The following WBP1L variants were observed in gnomAD, a reference collection of about 807,000 sequenced individuals.
WBP1L encodes the protein WW domain binding protein 1-like.
Under a neutral mutation model 33.7 loss-of-function variants are expected in WBP1L, and 17 were observed. The ratio of observed to expected loss-of-function variants is 0.50; its 90% CI spans 0.34 to 0.76. The LOEUF (loss-of-function observed/expected upper bound fraction) is 0.76. Among genes scored for constraint, WBP1L ranks in the 30% least tolerant of loss-of-function variants. The probability of loss-of-function intolerance (pLI) is 0.01; values close to 1 mark genes in which losing one functional copy is unlikely to be tolerated. For synonymous variants in WBP1L, 173 were observed against 190.8 expected, an observed-to-expected ratio of 0.91 and a Z score of 0.77; for missense variants, 389 against 469.4, an observed-to-expected ratio of 0.83 and a Z score of 1.58.
intron 1 of WBP1L, among the ~76,000 whole-genome samples, chr10:102,790,784 T>TA (rs1442942429): frequency 6.6e-6 from 1 of 152,140 alleles, no homozygotes; most frequent in African/African-American, 2.4e-5. Flanking sequence ...GTCCTGGAAT[T>TA]ACAAGCGTGA....
intron 1 of WBP1L, among the ~76,000 whole-genome samples, chr10:102,768,360 A>C (rs1156583052): frequency 5.2e-5 from 6 of 115,920 alleles, no homozygotes; most frequent in Admixed American, 9.8e-5. Flanking sequence ...TGCGCCTGGC[A>C]TTAGTTTTTT....
chr10:102,808,766 G>T (rs1470679887), intron 2 of WBP1L, among the ~76,000 whole-genome samples: 1 of 152,218 alleles, frequency 6.6e-6, no homozygotes, highest in Non-Finnish European at 1.5e-5. Context: ...AAAAGCACCT[G>T]ATTTTTTTGA....
chr10:102,764,773 TA>T (rs2134034157), intron 1 of WBP1L, among the ~76,000 whole-genome samples: 1 of 152,278 alleles, frequency 6.6e-6, no homozygotes, highest in South Asian at 2.1e-4. Flanking sequence ...AGAGAGGACA[TA>T]ATATTTGATT....
chr10:102,798,019 C>A lies in WBP1L; in HGVS notation c.117C>A (p.Asn39Lys). 6.2e-7 allele frequency: 1 copy of A among 1,614,070 alleles called. No homozygotes were observed. The highest frequency in any genetic ancestry group is 2.2e-5 in the East Asian group (1 of 44,880). ...ATAAGGAAGCCTGTGTGGGTACCAA[C>A]AATCAAAGCTACATCTGTGACACAG... ...PQDKEACVGT[N>K]NQSYICDTGH... The change falls in exon 2 of 4, where the codon AAC (asparagine) becomes AAA (lysine). Residue 39 changes from asparagine (N) to lysine (K), a missense_variant. Physicochemically the swap from Asn to Lys is moderately conservative, Grantham distance 94 (BLOSUM62 0). Transcript: ENST00000448841.
At chr10:102,802,240 C>G (rs1043213078) in intron 2 of WBP1L, among the ~76,000 whole-genome samples, 1 of 148,998 alleles carries the variant, frequency 6.7e-6, no homozygotes, top group Admixed American at 6.8e-5. Context: ...CTCCTGGACT[C>G]AAGGGATCCT....
At chr10:102,760,864 A>G (rs1843029879) in intron 1 of WBP1L, among the ~76,000 whole-genome samples, 1 of 151,966 alleles carries the variant, frequency 6.6e-6, no homozygotes, top group South Asian at 2.1e-4. Flanking sequence ...CAATATATAA[A>G]TTGCAAATGT....
chr10:102,766,110 G>C (rs1843104310), intron 1 of WBP1L, among the ~76,000 whole-genome samples: 1 of 151,866 alleles, frequency 6.6e-6, no homozygotes. Flanking sequence ...GACCAGCCTT[G>C]GCAACATAGG....
intron 1 of WBP1L, among the ~76,000 whole-genome samples, chr10:102,787,431 A>T (rs1387557034): frequency 6.6e-6 from 1 of 151,834 alleles, no homozygotes; most frequent in Non-Finnish European, 1.5e-5. Context: ...TACAACCAAT[A>T]AAAAAAATTA....
intron 1 of WBP1L, 36 bp from the exon 2 acceptor site, chr10:102,797,957 C>T (rs1488965557): frequency 6.4e-7 from 1 of 1,572,254 alleles, no homozygotes; most frequent in Non-Finnish European, 8.7e-7. Context: ...CAAAAGCTGT[C>T]ATTTAATATG....
chr10:102,792,529 A>G (rs1410576657), intron 1 of WBP1L, among the ~76,000 whole-genome samples: 1 of 150,540 alleles, frequency 6.6e-6, no homozygotes, highest in Admixed American at 6.6e-5. Context: ...CTTTGCTTGT[A>G]GCGTTTTCTC....
intron 1 of WBP1L, among the ~76,000 whole-genome samples, chr10:102,792,658 G>A (rs1275907844): frequency 6.9e-6 from 1 of 144,534 alleles, no homozygotes; most frequent in East Asian, 2.0e-4. Context: ...GCAATGGTGC[G>A]ATCTCAGCTC....
chr10:102,812,942 A>G lies in WBP1L; in HGVS notation c.703A>G (p.Lys235Glu), dbSNP rs1378475125. 1 of 1,600,400 alleles carries G rather than the reference A, an allele frequency of 6.2e-7. No individual in the cohort carries two copies. The highest frequency in any genetic ancestry group is 1.3e-5 in the African/African-American group (1 of 74,610). ...GCTGGACCCGGGGGCCTTCCTGGAC[A>G]AAGATGCAGAATGTAGGGAGGAGCT... is the stretch of plus-strand genomic sequence containing the variant. Reference protein sequence around the residue: ...GELDPGAFLDKDAECREELLK... With the variant: ...GELDPGAFLDEDAECREELLK... Residue 235 changes from lysine (K) to glutamate (E), a missense_variant, in exon 4 of 4, where the codon AAA becomes GAA. Lys to Glu is a moderately conservative substitution (Grantham distance 56, BLOSUM62 1). Transcript: ENST00000448841.
chr10:102,759,655 T>TTTTG (rs1019341876), intron 1 of WBP1L, among the ~76,000 whole-genome samples: 12 of 152,188 alleles, frequency 7.9e-5, no homozygotes, highest in Admixed American at 5.9e-4. Context: ...GTACAAGTTT[T>TTTTG]TTTGTTTGTT....
At chr10:102,810,841 A>T (rs2134069329) in intron 3 of WBP1L, among the ~76,000 whole-genome samples, 1 of 150,804 alleles carries the variant, frequency 6.6e-6, no homozygotes, top group South Asian at 2.1e-4. Context: ...TGCTGGGATT[A>T]CAGGCGTGAG....
intron 1 of WBP1L, chr10:102,776,467 C>G (rs1211953724): frequency 1.2e-6 from 2 of 1,611,850 alleles, no homozygotes; most frequent in Non-Finnish European, 1.7e-6. Context: ...GGGGTGGGAG[C>G]TTGTTTATTG....
chr10:102,765,471 T>A (rs1038434692), intron 1 of WBP1L, among the ~76,000 whole-genome samples: 3 of 152,158 alleles, frequency 2.0e-5, no homozygotes, highest in Non-Finnish European at 4.4e-5. Flanking sequence ...TGGGCTCAAG[T>A]GATCCACCCT....
At chr10:102,766,523 G>A (rs1454737090) in intron 1 of WBP1L, among the ~76,000 whole-genome samples, 1 of 151,812 alleles carries the variant, frequency 6.6e-6, no homozygotes, top group African/African-American at 2.4e-5. Context: ...TTGGGAGGCT[G>A]AGGTGGGAGG....
At chr10:102,811,905 A>G (rs1843847125) in intron 3 of WBP1L, among the ~76,000 whole-genome samples, 1 of 152,228 alleles carries the variant, frequency 6.6e-6, no homozygotes, top group South Asian at 2.1e-4. Flanking sequence ...TTATATTATA[A>G]TTAAATTATC....
intron 1 of WBP1L, among the ~76,000 whole-genome samples, chr10:102,782,977 C>T (rs941140524): frequency 1.5e-4 from 23 of 152,124 alleles, no homozygotes; most frequent in African/African-American, 4.1e-4. Context: ...CTGTGATGCA[C>T]GGTCTCGATG....
Sources: gnomAD v4.1 joint callset for allele counts (sites outside exome capture counted in the v4.1 genomes callset) on GRCh38, gnomAD v4.1.1 for gene constraint, MANE v1.5 for transcripts, NCBI Gene and HGNC (gene_info 2026-07-23, HGNC 2026-07-21) for gene names.